Variants in CHD6 observed in about 807,000 individuals in gnomAD.
CHD6 encodes the protein ATP-dependent chromatin remodeler CHD6.
CHD6 carries 50 observed loss-of-function variants against 276.9 expected under a neutral mutation model. The ratio of observed to expected loss-of-function variants is 0.18; its 90% CI spans 0.14 to 0.23. The LOEUF (loss-of-function observed/expected upper bound fraction) is 0.23. CHD6 is among the 10% of genes least tolerant of loss of function. The pLI is 1.00. For missense variants in CHD6, 2,564 were observed against 3,365.8 expected (o/e 0.76, Z 5.89); for synonymous variants, 1,173 against 1,229.3 (o/e 0.95, Z 0.96).
At chr20:41,531,796 G>A (rs985110161) in intron 3 of CHD6, among the ~76,000 whole-genome samples, 8 of 152,190 alleles carry the variant, frequency 5.3e-5, no homozygotes, top group Non-Finnish European at 1.5e-5. Context: ...GAACCATATA[G>A]TAAACTCCAC....
At chr20:41,557,513 A>T (rs6102464) in intron 1 of CHD6, among the ~76,000 whole-genome samples, 57,121 of 151,894 alleles carry the variant, frequency 0.38, 13,295 homozygotes, top group African/African-American at 0.64. Flanking sequence ...AGTAACTTTT[A>T]AAAAATAACA....
intron 11 of CHD6, among the ~76,000 whole-genome samples, chr20:41,490,893 T>C (rs1269320196): frequency 7.9e-5 from 12 of 152,070 alleles, no homozygotes; most frequent in Non-Finnish European, 1.6e-4. Context: ...ATGGCACACA[T>C]TTACCTATGT....
chr20:41,585,291 G>C (rs1427318102), intron 1 of CHD6, among the ~76,000 whole-genome samples: 5 of 152,086 alleles, frequency 3.3e-5, no homozygotes, highest in African/African-American at 4.8e-5. Context: ...ATCACCTGAG[G>C]TTGGGAGTTC....
intron 36 of CHD6, among the ~76,000 whole-genome samples, chr20:41,411,845 C>T (rs1269280945): frequency 6.6e-6 from 1 of 152,168 alleles, no homozygotes; most frequent in Non-Finnish European, 1.5e-5. Context: ...AAATTTCTTT[C>T]CCCTCATAAC....
rs11373605 is a variant in CHD6, at chr20:41,571,389, AT to A, written c.-23-20030del. Among the ~76,000 whole-genome samples the A allele has an allele frequency of 2.4e-3, 307 of 129,964 alleles. 3 individuals are homozygous for A. The highest frequency in any genetic ancestry group is 0.021 in the East Asian group (100 of 4,676). The allele number at this position is 129,964 out of a possible 152,430, so 85.3% of individuals were successfully genotyped here. On this transcript the variant is annotated intron_variant, in intron 1 of 36. Transcript: ENST00000373233. ...CAAAAGAAAGGAAGTCTGGCCATTA[AT>A]TTTTTTTTTTTTTTTTTTTTTAGAC...
intron 17 of CHD6, among the ~76,000 whole-genome samples, chr20:41,471,911 C>A (rs1298585871): frequency 6.6e-6 from 1 of 152,104 alleles, no homozygotes; most frequent in African/African-American, 2.4e-5. Flanking sequence ...TTTCTTCAAA[C>A]ACAAGTTTAT....
At chr20:41,493,391 A>G in intron 10 of CHD6, 147 bp downstream of exon 10, 2 of 789,786 alleles carry the variant, frequency 2.5e-6, no homozygotes, top group South Asian at 3.8e-5. Context: ...TGGGGTGGAA[A>G]ACACTGAATT....
Position 41,452,037 on chromosome 20 carries a change from C to T in CHD6, c.3324-12G>A, listed in dbSNP as rs1473263763. ...TCCACCGGCCCCAGCTGACAGTGGA[C>T]ATACAGACAGGTGTTGGAGGGAGAA... On this transcript the variant is annotated splice_polypyrimidine_tract_variant and intron_variant, in intron 21 of 36. Coordinates refer to ENST00000373233, the MANE Select transcript of CHD6 (RefSeq NM_032221.5). The surrounding 1 kb of genome is among the most constrained non-coding windows in gnomAD (Gnocchi z 4.2). The T allele has an allele frequency of 6.2e-7, 1 of 1,609,958 alleles. No homozygotes were observed. The highest frequency in any genetic ancestry group is 1.3e-5 in the African/African-American group (1 of 74,930).
chr20:41,522,625 A>G (rs2146015620), intron 3 of CHD6, among the ~76,000 whole-genome samples: 1 of 152,218 alleles, frequency 6.6e-6, no homozygotes, highest in Admixed American at 6.5e-5. Flanking sequence ...CTTGTTTGCA[A>G]CTGGTTCAGG....
At chr20:41,591,681 G>C (rs924018460) in intron 1 of CHD6, among the ~76,000 whole-genome samples, 1 of 151,236 alleles carries the variant, frequency 6.6e-6, no homozygotes, top group African/African-American at 2.4e-5. Context: ...CAACAAGAAT[G>C]AAACTCCAAA....
At chr20:41,412,050 C>T (rs2046855627) in intron 36 of CHD6, 94 bp downstream of exon 36, 1 of 1,530,518 alleles carries the variant, frequency 6.5e-7, no homozygotes. Flanking sequence ...CCCAGCGAAC[C>T]CCTTCCCAGC....
intron 10 of CHD6, among the ~76,000 whole-genome samples, chr20:41,493,097 AG>A (rs2043594972): frequency 6.6e-6 from 1 of 152,192 alleles, no homozygotes; most frequent in East Asian, 1.9e-4. Flanking sequence ...TGGGAGTCAC[AG>A]GGATCTGCAG....
chr20:41,482,048 T>C (rs1012669943), intron 16 of CHD6, among the ~76,000 whole-genome samples: 3 of 152,004 alleles, frequency 2.0e-5, no homozygotes, highest in African/African-American at 4.8e-5. Context: ...GAACACAAAA[T>C]GAGCAATAAA....
intron 32 of CHD6, among the ~76,000 whole-genome samples, 163 bp downstream of exon 32, chr20:41,417,035 C>T (rs1257093749): frequency 6.6e-6 from 1 of 152,130 alleles, no homozygotes; most frequent in Non-Finnish European, 1.5e-5. Context: ...ATTAGTTAAG[C>T]GCATGTATCT....
intron 5 of CHD6, among the ~76,000 whole-genome samples, chr20:41,499,775 T>A (rs1292879815): frequency 1.3e-5 from 2 of 152,166 alleles, no homozygotes; most frequent in African/African-American, 2.4e-5. Context: ...TACCTCCTAG[T>A]CTCCAAATAT....
At chr20:41,489,604 T>C (rs781376187) in intron 12 of CHD6, among the ~76,000 whole-genome samples, 174 bp downstream of exon 12, 26 of 152,216 alleles carry the variant, frequency 1.7e-4, no homozygotes, top group Non-Finnish European at 1.8e-4. Flanking sequence ...CTGTGTTGTA[T>C]CATAAATTAA....
intron 3 of CHD6, among the ~76,000 whole-genome samples, chr20:41,521,203 T>C (rs1381702104): frequency 2.6e-5 from 4 of 152,240 alleles, no homozygotes. Flanking sequence ...ACAAGTAGTA[T>C]AACTACACCT....
rs551756906 is a variant in CHD6, at chr20:41,590,415, G to C, written c.-24+27925C>G. The stretch of plus-strand genomic sequence containing the variant: ...TGCACAGCAAAAGAAACTACCATCA[G>C]AGTGAACAGGCACCCACAGAATGGG... On this transcript the variant is annotated intron_variant, in intron 1 of 36. Coordinates refer to ENST00000373233, the MANE Select transcript of CHD6 (RefSeq NM_032221.5). Among the ~76,000 whole-genome samples, 17 of 152,306 alleles carry C rather than the reference G, an allele frequency of 1.1e-4. No individual in the cohort carries two copies. The East Asian group carries it at 1.7e-3, about 16-fold the overall frequency.
chr20:41,511,196 T>C (rs1250536297), intron 5 of CHD6, among the ~76,000 whole-genome samples: 6 of 152,198 alleles, frequency 3.9e-5, no homozygotes. Context: ...TTAAGTACTA[T>C]CAGTTTCCAT....
Sources: allele counts gnomAD v4.1 joint callset (sites outside exome capture counted in the v4.1 genomes callset), GRCh38; gene constraint gnomAD v4.1.1; non-coding constraint Gnocchi (gnomAD v3.1); transcripts MANE v1.5; gene names NCBI Gene and HGNC (gene_info 2026-07-23, HGNC 2026-07-21).